The following ASIC2 variants were observed in gnomAD, a reference collection of about 807,000 sequenced individuals.
ASIC2 encodes acid-sensing ion channel 2.
A neutral mutation model predicts 57.3 loss-of-function variants in ASIC2; 25 were observed. That is an observed-to-expected ratio of 0.44 (90% CI 0.32 to 0.61). The LOEUF (loss-of-function observed/expected upper bound fraction) is 0.61. Among genes scored for constraint, ASIC2 ranks in the 20% least tolerant of loss-of-function variants. The pLI, the probability that ASIC2 is intolerant of heterozygous loss-of-function variation, is 0.06. For missense variants in ASIC2, 641 were observed against 738.1 expected, an observed-to-expected ratio of 0.87 and a Z score of 1.52; for synonymous variants, 319 against 307.5, an observed-to-expected ratio of 1.04 and a Z score of -0.39.
At chr17:33,030,379 C>G (rs1317822525) in intron 3 of ASIC2, among the ~76,000 whole-genome samples, 1 of 152,124 alleles carries the variant, frequency 6.6e-6, no homozygotes, top group African/African-American at 2.4e-5. Flanking sequence ...AGTATGCATT[C>G]TTTTGTGTTT....
intron 1 of ASIC2, among the ~76,000 whole-genome samples, chr17:33,739,947 A>G (rs1310992070): frequency 1.5e-5 from 2 of 129,916 alleles, no homozygotes; most frequent in Admixed American, 7.6e-5. Flanking sequence ...GAAAGAAAGA[A>G]AAGAAAAAAG....
chr17:33,632,376 G>A (rs4795822), intron 1 of ASIC2, among the ~76,000 whole-genome samples: 1,824 of 152,114 alleles, frequency 0.012, 36 homozygotes, highest in East Asian at 0.076. Context: ...TCTCTGTCAC[G>A]GTTCAGATTA....
At chr17:33,716,803 TCTC>T (rs756048263) in intron 1 of ASIC2, among the ~76,000 whole-genome samples, 8 of 152,238 alleles carry the variant, frequency 5.3e-5, no homozygotes, top group African/African-American at 1.9e-4. Context: ...TATGGATTCT[TCTC>T]CTCAAGCTAT....
rs930255554 is a variant in ASIC2 at position 33,926,349 on chromosome 17, C to T, written c.555+229629G>A. Among the ~76,000 whole-genome samples, 5 of 151,544 alleles carry T rather than the reference C, an allele frequency of 3.3e-5. No individual in the cohort carries two copies. The South Asian group carries it at 1.0e-3, about 32-fold the overall frequency. ...GACCAGACGTATTTTGAATTTTGAA[C>T]TTTTTTTTTGGGATTTTTGAATACA... On this transcript the variant is annotated intron_variant, in intron 1 of 9. Coordinates refer to the ASIC2 transcript ENST00000359872.
At chr17:34,121,616 T>A (rs1911622250) in intron 1 of ASIC2, among the ~76,000 whole-genome samples, 1 of 152,142 alleles carries the variant, frequency 6.6e-6, no homozygotes, top group South Asian at 2.1e-4. Flanking sequence ...ATGTCCCTCC[T>A]CTGATTAAGA....
At chr17:33,737,077 C>G (rs1909936841) in intron 1 of ASIC2, among the ~76,000 whole-genome samples, 1 of 152,264 alleles carries the variant, frequency 6.6e-6, no homozygotes. Context: ...TTCATCTATT[C>G]CTGTATTGGT....
rs1406408302 is a variant in ASIC2, at chr17:34,039,367, G to C, written c.555+116611C>G. 3.7e-6 allele frequency: 6 copies of C among 1,613,864 alleles called. No individual in the cohort carries two copies. In the South Asian group the frequency reaches 6.6e-5, roughly 18 times the overall value. ...TGAAACAAAAGTGAAGCAGAGGCCA[G>C]CTCCCCTTTGCGCCAGCTGCTCTGT... On this transcript the variant is annotated intron_variant, in intron 1 of 9. Coordinates refer to the ASIC2 transcript ENST00000359872.
chr17:33,862,600 AT>A (rs1914126931), intron 1 of ASIC2, among the ~76,000 whole-genome samples: 1 of 152,208 alleles, frequency 6.6e-6, no homozygotes, highest in African/African-American at 2.4e-5. Context: ...CAGTATCCAT[AT>A]TTGAACTCAC....
chr17:33,923,345 C>A (rs1747710095), intron 1 of ASIC2, among the ~76,000 whole-genome samples: 1 of 152,170 alleles, frequency 6.6e-6, no homozygotes, highest in African/African-American at 2.4e-5. Flanking sequence ...ATCTACCCAA[C>A]CACATTTATA....
chr17:33,741,505 A>C (rs1910110453), intron 1 of ASIC2, among the ~76,000 whole-genome samples: 1 of 152,172 alleles, frequency 6.6e-6, no homozygotes, highest in Non-Finnish European at 1.5e-5. Flanking sequence ...AAGTCAATGG[A>C]GGCAGATTCA....
chr17:33,358,591 C>T (rs927094253), intron 1 of ASIC2, among the ~76,000 whole-genome samples: 13 of 152,162 alleles, frequency 8.5e-5, no homozygotes, highest in African/African-American at 3.1e-4. Context: ...GGCAATTATG[C>T]TTTTTCCATG....
At chr17:34,133,983 C>T (rs1051179908) in intron 1 of ASIC2, among the ~76,000 whole-genome samples, 1 of 152,258 alleles carries the variant, frequency 6.6e-6, no homozygotes, top group South Asian at 2.1e-4. Flanking sequence ...CAAATTGTCA[C>T]TAGTTCCAAG....
At chr17:33,122,500 G>C (rs2092306804) in intron 1 of ASIC2, among the ~76,000 whole-genome samples, 1 of 152,038 alleles carries the variant, frequency 6.6e-6, no homozygotes, top group African/African-American at 2.4e-5. Context: ...CCTGTTAGAA[G>C]TTTCTTTTTA....
chr17:33,614,768 C>T (rs948004259), intron 1 of ASIC2, among the ~76,000 whole-genome samples: 2 of 152,170 alleles, frequency 1.3e-5, no homozygotes, highest in Non-Finnish European at 2.9e-5. Context: ...CATACATTTA[C>T]CAAAATCATT....
At chr17:33,344,192 C>T (rs1907850504) in intron 1 of ASIC2, among the ~76,000 whole-genome samples, 1 of 152,146 alleles carries the variant, frequency 6.6e-6, no homozygotes, top group Admixed American at 6.5e-5. Context: ...CCCCAGTGCC[C>T]AATACAGGGT....
At chr17:33,301,157 G>T (rs1217336276) in intron 1 of ASIC2, among the ~76,000 whole-genome samples, 1 of 151,800 alleles carries the variant, frequency 6.6e-6, no homozygotes, top group Non-Finnish European at 1.5e-5. Context: ...AGCCTCCCAA[G>T]TAGCTGGGAC....
At chr17:33,267,515 C>G (rs1282725289) in intron 1 of ASIC2, among the ~76,000 whole-genome samples, 1 of 152,230 alleles carries the variant, frequency 6.6e-6, no homozygotes, top group Admixed American at 6.5e-5. Flanking sequence ...CAGTCACTGA[C>G]TCTGAACCCA....
chr17:33,283,970 C>T (rs1401198440), intron 1 of ASIC2, among the ~76,000 whole-genome samples: 3 of 152,198 alleles, frequency 2.0e-5, no homozygotes, highest in Non-Finnish European at 2.9e-5. Flanking sequence ...CGGAACCACA[C>T]AGTGCCTCAG....
intron 1 of ASIC2, among the ~76,000 whole-genome samples, chr17:33,566,733 G>A (rs1597787680): frequency 6.6e-6 from 1 of 152,246 alleles, no homozygotes; most frequent in African/African-American, 2.4e-5. Context: ...CACTCCTTGT[G>A]ATAATCTCCC....
Sources: allele counts gnomAD v4.1 joint callset (sites outside exome capture counted in the v4.1 genomes callset), GRCh38; gene constraint gnomAD v4.1.1; transcripts MANE v1.5; gene names NCBI Gene and HGNC (gene_info 2026-07-23, HGNC 2026-07-21).